The following ZNF671 variants were observed in gnomAD, a reference collection of about 807,000 sequenced individuals.
ZNF671 encodes the protein zinc finger protein 671.
A neutral mutation model predicts 16.6 loss-of-function variants in ZNF671; 19 were observed. That is an observed-to-expected ratio of 1.14 (90% CI 0.80 to 1.68). The LOEUF (loss-of-function observed/expected upper bound fraction) is 1.68. ZNF671 is among the 40% of genes most tolerant of loss of function. The pLI is 0.00. For missense variants in ZNF671, 637 were observed against 659.8 expected (o/e 0.97, Z 0.38); for synonymous variants, 238 against 236.3 (o/e 1.01, Z -0.06).
chr19:57,721,492 TC>T lies in ZNF671; in HGVS notation c.593del (p.Gly198GlufsTer32). The T allele has an allele frequency of 6.2e-7, 1 of 1,614,232 alleles. No homozygotes were observed. Among genetic ancestry groups the T allele is most frequent in the Non-Finnish European group, 8.5e-7 (1 of 1,180,042 alleles). ...AGTCTGTACTGAACCAGAATTGCTT[TC>T]CACATGCCCCACACAAGTATGGTTT... ...RQKPYLCGAC[G>X]KQFWFSTDFD... On this transcript the variant is annotated frameshift_variant, in exon 4 of 4. Transcript: ENST00000317398. LOFTEE classifies it low-confidence loss of function (END_TRUNC).
rs746490612 is a variant in ZNF671, at chr19:57,721,374, C to G, written c.712G>C (p.Glu238Gln). 1 of 1,613,948 alleles carries G rather than the reference C, an allele frequency of 6.2e-7. No homozygotes were observed. The highest frequency in any genetic ancestry group is 1.1e-5 in the South Asian group (1 of 91,080). ...CCTTTCCCACATGTGAGGGTCTTCTCTGGCACATGGACTCTGCAGCTTTTC... is the reference window on the plus strand; with the variant it reads ...CCTTTCCCACATGTGAGGGTCTTCTGTGGCACATGGACTCTGCAGCTTTTC... ...SVKSCRVHVPEKTLTCGKGRR... is the reference protein window; with the variant it reads ...SVKSCRVHVPQKTLTCGKGRR... Residue 238 changes from glutamate (E) to glutamine (Q), a missense_variant, in exon 4 of 4, where the codon GAG (glutamate) becomes CAG (glutamine). Coordinates refer to ENST00000317398, the MANE Select transcript of ZNF671 (RefSeq NM_024833.3).
At chr19:57,722,502 A>G in intron 2 of ZNF671, 64 bp from the exon 3 acceptor site, 1 of 1,594,320 alleles carries the variant, frequency 6.3e-7, no homozygotes, top group African/African-American at 1.3e-5. Flanking sequence ...CCTATGATGG[A>G]CTTCAGGTAA....
intron 1 of ZNF671, among the ~76,000 whole-genome samples, chr19:57,725,413 G>A (rs572768732): frequency 4.6e-5 from 7 of 152,116 alleles, no homozygotes; most frequent in South Asian, 2.1e-4. Context: ...GCGGTGAGCC[G>A]AGATTGTGCC....
rs141494747 is a variant in ZNF671 at position 57,720,995 on chromosome 19, G to A, written c.1091C>T (p.Thr364Met). 4.1e-4 allele frequency: 655 copies of A among 1,613,944 alleles called. 1 individual carries two copies. The highest frequency in any genetic ancestry group is 5.1e-4 in the Non-Finnish European group (606 of 1,180,022). The change falls in exon 4 of 4, where the codon ACG (threonine) becomes ATG (methionine). Residue 364 changes from threonine to methionine, a missense_variant. Coordinates refer to ENST00000317398, the MANE Select transcript of ZNF671 (RefSeq NM_024833.3). ...GCCACACTGATAGAGTCTTTCACCC[G>A]TGTGAACTCGCCTGTGCTCAATCAG... ...SGLIEHRRVH[T>M]GERLYQCGKC... is the part of the protein sequence containing the mutation.
At position 57,720,683 on chromosome 19, in the gene ZNF671, T is replaced by C; in HGVS notation, c.1403A>G (p.Gln468Arg). Residue 468 changes from glutamine to arginine, a missense_variant, in exon 4 of 4, where the codon CAG (glutamine) becomes CGG (arginine). By Grantham distance (43) the Gln-to-Arg change is conservative. Coordinates refer to ENST00000317398, the MANE Select transcript of ZNF671 (RefSeq NM_024833.3). ...KAFSCISKLI[Q>R]HQKVHSGEKP... The stretch of plus-strand genomic sequence containing the variant: ...TTCTCCAGAGTGAACTTTCTGGTGC[T>C]GAATGAGTTTGGAGATGCAGCTGAA... The C allele has an allele frequency of 6.2e-7, 1 of 1,614,220 alleles. No homozygotes were observed. The highest frequency in any genetic ancestry group is 8.5e-7 in the Non-Finnish European group (1 of 1,180,044).
Position 57,727,528 on chromosome 19 carries a change from TCTC to T in ZNF671, c.-3_-1del, listed in dbSNP as rs765530043. On this transcript the variant is annotated 5_prime_UTR_variant, in exon 1 of 4. Coordinates refer to ENST00000317398, the MANE Select transcript of ZNF671 (RefSeq NM_024833.3). ...GCGTCTCGGGACACTGGGGACAACA[TCTC>T]CTCCGCGCTTTCCCAACACCTCCAC... 18 of 1,596,194 alleles carry T rather than the reference TCTC, an allele frequency of 1.1e-5. No homozygotes were observed. Among genetic ancestry groups the T allele is most frequent in the Admixed American group, 1.7e-5 (1 of 59,206 alleles).
intron 2 of ZNF671, 80 bp from the exon 3 acceptor site, chr19:57,722,518 A>C: frequency 6.3e-7 from 1 of 1,580,288 alleles, no homozygotes. Flanking sequence ...GGTAAGAAAA[A>C]TAACCTGGGA....
rs771624270 is a variant in ZNF671, at chr19:57,720,772, G to C, written c.1314C>G (p.Ser438=). The part of the protein sequence containing the change: ...SECGKAFSQS[S]HLNVHWRIHS... ...GAATTCTCCAGTGTACATTAAGGTG[G>C]GAGCTTTGGCTAAAGGCCTTCCCAC... The change falls in exon 4 of 4, where the codon TCC becomes TCG. Residue 438 remains serine, a synonymous_variant. Coordinates refer to ENST00000317398, the MANE Select transcript of ZNF671 (RefSeq NM_024833.3). 20 of 1,614,184 alleles carry C rather than the reference G, an allele frequency of 1.2e-5. No homozygotes were observed. In the South Asian group the frequency reaches 2.2e-4, roughly 18 times the overall value.
At chr19:57,725,900 C>T (rs1376982086) in intron 1 of ZNF671, among the ~76,000 whole-genome samples, 2 of 152,190 alleles carry the variant, frequency 1.3e-5, no homozygotes, top group Admixed American at 1.3e-4. Context: ...CACCATTGCA[C>T]TCCAGCCTGG....
chr19:57,720,749 A>G lies in ZNF671; in HGVS notation c.1337T>C (p.Ile446Thr). The change falls in exon 4 of 4, where the codon ATT becomes ACT. Residue 446 changes from isoleucine to threonine, a missense_variant. Physicochemically the swap from Ile to Thr is moderately conservative, Grantham distance 89. Coordinates refer to ENST00000317398, the MANE Select transcript of ZNF671 (RefSeq NM_024833.3). ...GCTACACTCATAATCACTGCTGTGAATTCTCCAGTGTACATTAAGGTGGGA... is the reference window on the plus strand; with the variant it reads ...GCTACACTCATAATCACTGCTGTGAGTTCTCCAGTGTACATTAAGGTGGGA... ...QSSHLNVHWR[I>T]HSSDYECSRC... The G allele has an allele frequency of 6.2e-7, 1 of 1,614,246 alleles. No individual in the cohort carries two copies. The highest frequency in any genetic ancestry group is 8.5e-7 in the Non-Finnish European group (1 of 1,180,044).
In ZNF671 at chr19:57,721,170, TTC is replaced by T; in HGVS notation, c.914_915del (p.Arg305AsnfsTer9). 6.2e-7 allele frequency: 1 copy of T among 1,613,824 alleles called. No homozygotes were observed. Among genetic ancestry groups the T allele is most frequent in the South Asian group, 1.1e-5 (1 of 91,068 alleles). ...TCATAAGGCCTTTCTCCAGTGTGGA[TTC>T]TCTGATGCCGAGCAAGTGTGTCTTT... is the stretch of plus-strand genomic sequence containing the variant. ...TRKDTLARHQ[R>X]IHTGERPYEC... On this transcript the variant is annotated frameshift_variant, in exon 4 of 4. Transcript: ENST00000317398. LOFTEE classifies it low-confidence loss of function (END_TRUNC).
Position 57,720,026 on chromosome 19 carries a change from A to G in ZNF671, c.*455T>C, listed in dbSNP as rs74997962. On this transcript the variant is annotated 3_prime_UTR_variant, in exon 4 of 4. Transcript: ENST00000317398. Reference sequence around the variant, plus strand: ...CTTTTAGGGACTGGGGAGAGAAGAGAGGTCTGCCCGTCACAAGCATGCTGG... The same window carrying G: ...CTTTTAGGGACTGGGGAGAGAAGAGGGGTCTGCCCGTCACAAGCATGCTGG... 7.5e-3 allele frequency: 1,280 copies of G among 170,110 alleles called. 20 individuals are homozygous for G. The highest frequency in any genetic ancestry group is 0.029 in the African/African-American group (1,206 of 42,148). 10.5% of individuals were successfully genotyped at this position (170,110 alleles called of 1,614,324 possible). A position where few individuals can be genotyped will look rare whatever the true frequency, so the allele number is the denominator to read the frequency against.
At chr19:57,722,581 T>A in intron 2 of ZNF671, 143 bp from the exon 3 acceptor site, 1 of 1,324,598 alleles carries the variant, frequency 7.5e-7, no homozygotes, top group Non-Finnish European at 1.0e-6. Context: ...TGTAAGTGCC[T>A]ATAACTCCTG....
Position 57,720,318 on chromosome 19 carries a change from G to T in ZNF671, c.*163C>A. 1 of 990,742 alleles carries T rather than the reference G, an allele frequency of 1.0e-6. No homozygotes were observed. The highest frequency in any genetic ancestry group is 1.5e-6 in the Non-Finnish European group (1 of 670,488). The allele number at this position is 990,742 out of a possible 1,614,324, so 61.4% of individuals were successfully genotyped here. ...ACAGAGACAGCACATTGCTTAGACTGCTAAGGCCTGTGTCCGGTGTGAAAT... is the reference window on the plus strand; with the variant it reads ...ACAGAGACAGCACATTGCTTAGACTTCTAAGGCCTGTGTCCGGTGTGAAAT... On this transcript the variant is annotated 3_prime_UTR_variant, in exon 4 of 4. Transcript: ENST00000317398.
In ZNF671 at chr19:57,723,432, C is replaced by G. The variant is rs112413827; in HGVS notation, c.139-92G>C. 1,768 of 1,473,850 alleles carry G rather than the reference C, an allele frequency of 1.2e-3. 7 individuals carry two copies. The highest frequency in any genetic ancestry group is 1.2e-3 in the Non-Finnish European group (1,336 of 1,096,272). 91.3% of individuals were successfully genotyped at this position (1,473,850 alleles called of 1,614,324 possible). On this transcript the variant is annotated intron_variant, in intron 1 of 3. Coordinates refer to ENST00000317398, the MANE Select transcript of ZNF671 (RefSeq NM_024833.3). Reference sequence around the variant, plus strand: ...CACAACATCCTGCTAACTAACCTCCCAGGTTCCCAAGTCAGAGATACCAGG... The same window carrying G: ...CACAACATCCTGCTAACTAACCTCCGAGGTTCCCAAGTCAGAGATACCAGG...
Position 57,722,303 on chromosome 19 carries a change from G to A in ZNF671, c.388+13C>T, listed in dbSNP as rs560158166. The A allele has an allele frequency of 3.3e-5, 54 of 1,613,450 alleles. 1 individual carries two copies. The South Asian group carries it at 4.4e-4, about 13-fold the overall frequency. Reference sequence around the variant, plus strand: ...CAGCTTTGACATCGTGCCCTTCCCCGATGTCCACTCACCAGGTCTAAGTCC... The same window carrying A: ...CAGCTTTGACATCGTGCCCTTCCCCAATGTCCACTCACCAGGTCTAAGTCC... On this transcript the variant is annotated intron_variant, in intron 3 of 3. Transcript: ENST00000317398.
At position 57,720,768 on chromosome 19, in the gene ZNF671, G is replaced by T; in HGVS notation, c.1318C>A (p.Leu440Ile). 6.2e-7 allele frequency: 1 copy of T among 1,614,212 alleles called. No individual in the cohort carries two copies. ...CGKAFSQSSH[L>I]NVHWRIHSSD... ...CTGTGAATTCTCCAGTGTACATTAA[G>T]GTGGGAGCTTTGGCTAAAGGCCTTC... Residue 440 changes from leucine (L) to isoleucine (I), a missense_variant, in exon 4 of 4, where the codon CTT (leucine) becomes ATT (isoleucine). Transcript: ENST00000317398.
intron 3 of ZNF671, 41 bp from the exon 4 acceptor site, chr19:57,721,738 G>T (rs1329985065): frequency 1.3e-6 from 2 of 1,583,574 alleles, no homozygotes; most frequent in South Asian, 2.3e-5. Flanking sequence ...ATATTTACGG[G>T]TGGGAAGGGG....
chr19:57,725,129 A>T (rs1214575025), intron 1 of ZNF671, among the ~76,000 whole-genome samples: 1 of 151,960 alleles, frequency 6.6e-6, no homozygotes, highest in Non-Finnish European at 1.5e-5. Context: ...CTACTACACT[A>T]GGCAAGACTG....
Sources: allele counts gnomAD v4.1 joint callset (sites outside exome capture counted in the v4.1 genomes callset), GRCh38; gene constraint gnomAD v4.1.1; transcripts MANE v1.5; gene names NCBI Gene and HGNC (gene_info 2026-07-23, HGNC 2026-07-21).